SHROOM2: variants seen among roughly 807,000 people sequenced by gnomAD.
The protein encoded by SHROOM2 is shroom family member 2.
SHROOM2 carries 33 observed loss-of-function variants against 75.9 expected under a neutral mutation model. The ratio of observed to expected loss-of-function variants is 0.43; its 90% CI spans 0.33 to 0.58. SHROOM2 has a LOEUF of 0.58. SHROOM2 is among the 20% of genes least tolerant of loss of function. The pLI is 0.04. For missense variants in SHROOM2, 1,434 were observed against 1,461.2 expected (o/e 0.98, Z 0.30); for synonymous variants, 655 against 663.6 (o/e 0.99, Z 0.20).
chrX:9,826,379 T>G (rs770335568), intron 1 of SHROOM2, among the ~76,000 whole-genome samples: 1 of 112,309 alleles, frequency 8.9e-6, no homozygotes, highest in African/African-American at 3.2e-5. Context: ...GTATTCTAAA[T>G]AACCTTTTTC....
At chrX:9,836,340 A>T (rs970687071) in intron 1 of SHROOM2, among the ~76,000 whole-genome samples, 2 of 111,658 alleles carry the variant, frequency 1.8e-5, no homozygotes, top group African/African-American at 6.5e-5. Context: ...ATTGCTGGAC[A>T]CATAGACAGC....
At chrX:9,929,410 C>G (rs2084626596) in intron 5 of SHROOM2, among the ~76,000 whole-genome samples, 1 of 111,625 alleles carries the variant, frequency 9.0e-6, no homozygotes, top group Non-Finnish European at 1.9e-5. Context: ...CACACCACTC[C>G]CCTGAGAACA....
chrX:9,884,387 TTTAG>T (rs1391297157), intron 2 of SHROOM2, among the ~76,000 whole-genome samples: 1 of 108,018 alleles, frequency 9.3e-6, no homozygotes, highest in East Asian at 2.8e-4. Flanking sequence ...TTTTTTTTTT[TTTAG>T]TTTGAGGGAA....
chrX:9,808,598 A>C (rs2083771004), intron 1 of SHROOM2, among the ~76,000 whole-genome samples: 1 of 110,072 alleles, frequency 9.1e-6, no homozygotes. Flanking sequence ...GCAGTGGTTC[A>C]CGCCTGTAAT....
intron 1 of SHROOM2, among the ~76,000 whole-genome samples, chrX:9,842,150 G>T (rs763892611): frequency 2.7e-5 from 3 of 111,674 alleles, no homozygotes; most frequent in Non-Finnish European, 5.6e-5. Flanking sequence ...AAGATTTTAG[G>T]TTGTAAATTT....
intron 5 of SHROOM2, among the ~76,000 whole-genome samples, chrX:9,914,055 G>A (rs1419761359): frequency 4.8e-4 from 44 of 92,384 alleles, no homozygotes; most frequent in Non-Finnish European, 6.8e-4. Flanking sequence ...CTCCACCTGC[G>A]CCCACCCCCC....
chrX:9,879,876 G>A (rs17280844), intron 2 of SHROOM2, among the ~76,000 whole-genome samples: 36,622 of 111,217 alleles, frequency 0.33, 7,122 homozygotes, highest in African/African-American at 0.73. Flanking sequence ...TAGCCTTAAC[G>A]ATGAAGTTTA....
At chrX:9,890,857 G>T in intron 2 of SHROOM2, 120 bp from the exon 3 acceptor site, 1 of 715,705 alleles carries the variant, frequency 1.4e-6, no homozygotes. Flanking sequence ...CAAGCCCCCT[G>T]CACTGTTTGG....
Position 9,895,083 on chromosome X carries a change from A to G in SHROOM2, c.1175A>G (p.His392Arg). ...SGGPGCPQEA[H>R]ADGSWPPSKD... Reference sequence around the variant, plus strand: ...GGCCCGGGCTGCCCACAGGAGGCCCACGCAGACGGCAGCTGGCCGCCCTCC... The same window carrying G: ...GGCCCGGGCTGCCCACAGGAGGCCCGCGCAGACGGCAGCTGGCCGCCCTCC... The change falls in exon 4 of 10, where the codon CAC (histidine) becomes CGC (arginine). Residue 392 changes from histidine (H) to arginine (R), a missense_variant. His to Arg is a conservative substitution (Grantham distance 29, BLOSUM62 0). Around this residue, in one of 3 missense-constraint regions of SHROOM2, gnomAD observed 1,340 missense variants for 1,338.3 expected, o/e 1.00. Coordinates refer to ENST00000380913, the MANE Select transcript of SHROOM2 (RefSeq NM_001649.4). 8 of 1,209,114 alleles carry G rather than the reference A, an allele frequency of 6.6e-6. No homozygotes were observed. The highest frequency in any genetic ancestry group is 8.9e-6 in the Non-Finnish European group (8 of 894,325).
chrX:9,864,547 G>A (rs1411976136), intron 1 of SHROOM2, among the ~76,000 whole-genome samples: 1 of 111,106 alleles, frequency 9.0e-6, no homozygotes, highest in African/African-American at 3.3e-5. Context: ...GGCCGGGCGC[G>A]GTGGCTCACG....
intron 1 of SHROOM2, among the ~76,000 whole-genome samples, chrX:9,815,740 G>A (rs1346368855): frequency 9.1e-6 from 1 of 110,245 alleles, no homozygotes; most frequent in Non-Finnish European, 1.9e-5. Flanking sequence ...GAGGGCAGAA[G>A]CATCCAGCAT....
intron 1 of SHROOM2, among the ~76,000 whole-genome samples, chrX:9,833,448 C>G (rs1480220929): frequency 9.0e-6 from 1 of 111,394 alleles, no homozygotes; most frequent in African/African-American, 3.3e-5. Context: ...CTGCAGGCTA[C>G]TTTTGTTTAA....
In SHROOM2 at chrX:9,949,414, A is replaced by T. The variant is rs980011755; in HGVS notation, c.*2477A>T. On this transcript the variant is annotated 3_prime_UTR_variant, in exon 10 of 10. Coordinates refer to ENST00000380913, the MANE Select transcript of SHROOM2 (RefSeq NM_001649.4). ...TCAACAGATCATCCTGCTTGACTGT[A>T]ACAAAATAAATAGTGTCTCTTCAAG... is the stretch of plus-strand genomic sequence containing the variant. 1 of 330,876 alleles carries T rather than the reference A, an allele frequency of 3.0e-6. No individual in the cohort carries two copies. 27.3% of individuals were successfully genotyped at this position (330,876 alleles called of 1,213,427 possible).
At chrX:9,939,501 A>G in intron 8 of SHROOM2, 135 bp downstream of exon 8, 2 of 508,039 alleles carry the variant, frequency 3.9e-6, no homozygotes, top group East Asian at 7.7e-5. Context: ...CACTCAGGAC[A>G]GTGGAATTTG....
intron 1 of SHROOM2, among the ~76,000 whole-genome samples, chrX:9,843,886 A>C (rs2083992366): frequency 8.9e-6 from 1 of 112,675 alleles, no homozygotes; most frequent in Non-Finnish European, 1.9e-5. Flanking sequence ...GCTTTTTGCA[A>C]AGAAGACCAC....
chrX:9,792,038 ATAG>A (rs1569132824), intron 1 of SHROOM2, among the ~76,000 whole-genome samples: 9,382 of 29,263 alleles, frequency 0.32, 1,381 homozygotes, highest in Middle Eastern at 0.4. Flanking sequence ...ATAGAATAGA[ATAG>A]AATAGAATAG....
chrX:9,891,668 G>A (rs1274664150), intron 3 of SHROOM2, among the ~76,000 whole-genome samples: 4 of 110,734 alleles, frequency 3.6e-5, no homozygotes, highest in East Asian at 5.7e-4. Flanking sequence ...GTATGTTTAC[G>A]GGTGTGAGTG....
At chrX:9,919,643 G>A (rs1229811060) in intron 5 of SHROOM2, among the ~76,000 whole-genome samples, 1 of 110,475 alleles carries the variant, frequency 9.1e-6, no homozygotes, top group Admixed American at 9.8e-5. Flanking sequence ...CATTTCACTG[G>A]ATCTTCAGAA....
intron 5 of SHROOM2, among the ~76,000 whole-genome samples, chrX:9,923,249 G>A (rs1470181778): frequency 9.0e-6 from 1 of 110,845 alleles, no homozygotes; most frequent in African/African-American, 3.3e-5. Flanking sequence ...AGACGAACTG[G>A]CCCAGGGTTC....
Sources: allele counts gnomAD v4.1 joint callset (sites outside exome capture counted in the v4.1 genomes callset), GRCh38; gene constraint gnomAD v4.1.1; regional missense constraint gnomAD v4.1.1; transcripts MANE v1.5; gene names NCBI Gene and HGNC (gene_info 2026-07-23, HGNC 2026-07-21).